Variants in USHBP1 observed in about 807,000 individuals in gnomAD.
USHBP1 encodes USH1 protein network component harmonin binding protein 1, also known as harmonin-binding protein USHBP1.
In USHBP1, 67 loss-of-function variants were observed where a neutral mutation model predicts 76.2. That is an observed-to-expected ratio of 0.88 (90% CI 0.72 to 1.08). The LOEUF (loss-of-function observed/expected upper bound fraction) is 1.08, where lower values mean the gene tolerates loss of function less well. Ranked by LOEUF, USHBP1 falls within the 50% of genes least tolerant of loss-of-function variation. USHBP1 has a pLI of 0.00. For missense variants in USHBP1, 931 were observed against 915.0 expected (o/e 1.02, Z -0.23); for synonymous variants, 322 against 362.2 (o/e 0.89, Z 1.26).
intron 8 of USHBP1, 78 bp from the exon 9 acceptor site, chr19:17,256,798 T>C (rs1599470784): frequency 4.5e-6 from 7 of 1,572,986 alleles, no homozygotes; most frequent in Non-Finnish European, 6.1e-6. Flanking sequence ...CCTGGTAGGG[T>C]CCATCACCTT....
chr19:17,259,845 C>T, intron 5 of USHBP1, 52 bp downstream of exon 5: 1 of 1,591,038 alleles, frequency 6.3e-7, no homozygotes, highest in Non-Finnish European at 8.6e-7. Context: ...GAGTCTCATT[C>T]CCCTGAAGGC....
At chr19:17,257,790 G>C (rs1281410054) in intron 8 of USHBP1, among the ~76,000 whole-genome samples, 4 of 151,972 alleles carry the variant, frequency 2.6e-5, no homozygotes, top group African/African-American at 9.7e-5. Context: ...GGTACTACGC[G>C]GGCACACCAC....
At position 17,259,578 on chromosome 19, in the gene USHBP1, A is replaced by G. The variant is rs1287079200; in HGVS notation, c.905+18T>C. The G allele has an allele frequency of 6.2e-7, 1 of 1,605,298 alleles. No homozygotes were observed. Among genetic ancestry groups the G allele is most frequent in the Non-Finnish European group, 8.5e-7 (1 of 1,176,468 alleles). Reference sequence around the variant, plus strand: ...GAGGTGCCTGTGCCCTTATGAGCTCAGCATTTGAGTCTCTTACCCCCGGAG... The same window carrying G: ...GAGGTGCCTGTGCCCTTATGAGCTCGGCATTTGAGTCTCTTACCCCCGGAG... On this transcript the variant is annotated intron_variant, in intron 6 of 12. Transcript: ENST00000252597.
intron 1 of USHBP1, 49 bp downstream of exon 1, chr19:17,264,622 T>G: frequency 3.2e-5 from 12 of 379,956 alleles, no homozygotes; most frequent in East Asian, 1.1e-4. Flanking sequence ...ATCTCAAGAA[T>G]TCCCTCTCCT....
chr19:17,255,720 G>T, intron 9 of USHBP1, 114 bp from the exon 10 acceptor site: 1 of 1,190,160 alleles, frequency 8.4e-7, no homozygotes, highest in South Asian at 1.6e-5. Context: ...GTGACTTTTG[G>T]CCAGGCGCAG....
intron 7 of USHBP1, 67 bp from the exon 8 acceptor site, chr19:17,258,452 T>A: frequency 6.5e-7 from 1 of 1,550,306 alleles, no homozygotes; most frequent in Non-Finnish European, 8.7e-7. Flanking sequence ...CCCTCACCTG[T>A]AGTCCCAGCA....
intron 9 of USHBP1, among the ~76,000 whole-genome samples, 191 bp from the exon 10 acceptor site, chr19:17,255,797 T>TC (rs1434120019): frequency 6.6e-6 from 1 of 152,142 alleles, no homozygotes; most frequent in Non-Finnish European, 1.5e-5. Flanking sequence ...GGTCAGGAGT[T>TC]CGAGACGAGC....
At chr19:17,253,976 G>A (rs1433037392) in intron 10 of USHBP1, among the ~76,000 whole-genome samples, 4 of 151,282 alleles carry the variant, frequency 2.6e-5, no homozygotes, top group African/African-American at 9.7e-5. Flanking sequence ...GGGAGGCTGA[G>A]GTGGGCAGAT....
At chr19:17,251,546 T>C (rs760247155) in intron 12 of USHBP1, 36 bp downstream of exon 12, 1 of 1,611,502 alleles carries the variant, frequency 6.2e-7, no homozygotes, top group Non-Finnish European at 8.5e-7. Context: ...TGGGGGATGG[T>C]GCCAGGGGGA....
In USHBP1 at chr19:17,251,938, G is replaced by A. The variant is rs2073558111; in HGVS notation, c.1772C>T (p.Ala591Val). 1 of 1,546,926 alleles carries A rather than the reference G, an allele frequency of 6.5e-7. No individual in the cohort carries two copies. Residue 591 changes from alanine to valine, a missense_variant, in exon 11 of 13, where the codon GCC becomes GTC. Ala to Val is a moderately conservative substitution (Grantham distance 64). Transcript: ENST00000252597. ...VGRAWDPEKL[A>V]QELAASLTRT... The stretch of plus-strand genomic sequence containing the variant: ...GGTGAGCGATGCTGCCAGTTCCTGG[G>A]CTAACTTCTCTGGGTCCCAGGCTCT...
chr19:17,257,520 T>G (rs959204166), intron 8 of USHBP1, among the ~76,000 whole-genome samples: 36 of 150,204 alleles, frequency 2.4e-4, no homozygotes, highest in Admixed American at 2.4e-3. Context: ...TGGGAGCCTG[T>G]AATCCCAGCT....
Position 17,259,401 on chromosome 19 carries a change from G to C in USHBP1, c.934C>G (p.Arg312Gly). ...GSIEKLKCFNRLLSAVLQGYK... is the reference protein window; with the variant it reads ...GSIEKLKCFNGLLSAVLQGYK... ...CCCTGTAGCACAGCTGATAGCAGAC[G>C]ATTAAAGCATTTGAGCTTCTCAATG... Residue 312 changes from arginine to glycine, a missense_variant, in exon 7 of 13, where the codon CGT (arginine) becomes GGT (glycine). By Grantham distance (125) the Arg-to-Gly change is moderately radical (BLOSUM62 -2). Transcript: ENST00000252597. 1 of 1,614,136 alleles carries C rather than the reference G, an allele frequency of 6.2e-7. No homozygotes were observed. The highest frequency in any genetic ancestry group is 1.1e-5 in the South Asian group (1 of 91,084).
chr19:17,260,865 G>C (rs1025601389), intron 4 of USHBP1, among the ~76,000 whole-genome samples: 2 of 152,158 alleles, frequency 1.3e-5, no homozygotes, highest in Non-Finnish European at 1.5e-5. Flanking sequence ...AGGTCCCAAA[G>C]CCTGAAGTTG....
intron 4 of USHBP1, 121 bp from the exon 5 acceptor site, chr19:17,260,143 A>G: frequency 7.7e-7 from 1 of 1,297,130 alleles, no homozygotes; most frequent in Non-Finnish European, 1.0e-6. Flanking sequence ...AGGCTTGGAT[A>G]CTTAGCCTGC....
chr19:17,255,307 A>G lies in USHBP1; in HGVS notation c.1692+78T>C, dbSNP rs1324576788. The G allele has an allele frequency of 2.7e-6, 4 of 1,469,290 alleles. No individual in the cohort carries two copies. The East Asian group carries it at 7.2e-5, about 27-fold the overall frequency. 91.0% of individuals were successfully genotyped at this position (1,469,290 alleles called of 1,614,324 possible). ...AACTCCGTCTCAAAAAAAACAAAAA[A>G]AAAAAGGCTGTGATTGACAAGGGCT... On this transcript the variant is annotated intron_variant, in intron 10 of 12. Transcript: ENST00000252597.
At chr19:17,256,911 A>C (rs2073626780) in intron 8 of USHBP1, among the ~76,000 whole-genome samples, 191 bp from the exon 9 acceptor site, 2 of 152,080 alleles carry the variant, frequency 1.3e-5, no homozygotes, top group African/African-American at 4.8e-5. Context: ...CATGGTGGCC[A>C]GGTGCGGTGA....
At chr19:17,264,209 C>T in intron 2 of USHBP1, 37 bp downstream of exon 2, 1 of 1,613,248 alleles carries the variant, frequency 6.2e-7, no homozygotes, top group Non-Finnish European at 8.5e-7. Context: ...TTGGGGTCCC[C>T]AGGATCTGGG....
In USHBP1 at chr19:17,256,526, G is replaced by A. The variant is rs528918010; in HGVS notation, c.1415C>T (p.Pro472Leu). The part of the protein sequence containing the change: ...VQAILGTQAG[P>L]ALPRLEKTQI... ...TGTCTTCTCCAGTCGGGGAAGAGCT[G>A]GGCCAGCCTGGGTCCCCAGAATGGC... Residue 472 changes from proline to leucine, a missense_variant, in exon 9 of 13, where the codon CCA becomes CTA. Transcript: ENST00000252597. The A allele has an allele frequency of 7.9e-5, 127 of 1,613,972 alleles. No homozygotes were observed. The South Asian group carries it at 1.3e-3, about 17-fold the overall frequency.
chr19:17,251,637 G>A lies in USHBP1; in HGVS notation c.1867C>T (p.Arg623Ter), dbSNP rs775963883. Residue 623 changes from arginine to a stop codon, truncating the protein, a stop_gained, in exon 12 of 13, where the codon CGA becomes TGA. Coordinates refer to ENST00000252597, the MANE Select transcript of USHBP1 (RefSeq NM_031941.4). LOFTEE classifies it high-confidence loss of function. ...TCGGCACTCTGAGACCGTCTGGCTC[G>A]CCCCTTCTGAGCCACCTGTTCCAGC... ...RELEQVAQKG[R>*]ARRSQSAELN... is the part of the protein sequence containing the mutation. 9 of 1,613,604 alleles carry A rather than the reference G, an allele frequency of 5.6e-6. No homozygotes were observed. Among genetic ancestry groups the A allele is most frequent in the East Asian group, 2.2e-5 (1 of 44,868 alleles).
Sources: gnomAD v4.1 joint callset for allele counts (sites outside exome capture counted in the v4.1 genomes callset) on GRCh38, gnomAD v4.1.1 for gene constraint, MANE v1.5 for transcripts, NCBI Gene and HGNC (gene_info 2026-07-23, HGNC 2026-07-21) for gene names.